IL1RAPL1: variants seen among roughly 807,000 people sequenced by gnomAD.
IL1RAPL1 encodes interleukin-1 receptor accessory protein-like 1.
IL1RAPL1 carries 3 observed loss-of-function variants against 48.4 expected under a neutral mutation model. That is an observed-to-expected ratio of 0.06 (90% CI 0.03 to 0.16). IL1RAPL1 has a LOEUF of 0.16. IL1RAPL1 is among the 10% of genes least tolerant of loss of function. The pLI is 1.00. For synonymous variants in IL1RAPL1, 185 were observed against 187.7 expected (o/e 0.99, Z 0.12); for missense variants, 349 against 530.6 (o/e 0.66, Z 3.36).
At chrX:29,477,226 T>C (rs1032628603) in intron 5 of IL1RAPL1, among the ~76,000 whole-genome samples, 16 of 111,693 alleles carry the variant, frequency 1.4e-4, no homozygotes, top group African/African-American at 5.2e-4. Flanking sequence ...TAAGATGTTC[T>C]GTGAATATTA....
intron 2 of IL1RAPL1, among the ~76,000 whole-genome samples, chrX:28,841,102 A>G (rs1478357609): frequency 3.6e-5 from 4 of 111,124 alleles, no homozygotes; most frequent in Non-Finnish European, 5.7e-5. Context: ...ATATTCTAAT[A>G]TACTAAGCTT....
At chrX:29,728,138 G>A (rs1927825937) in intron 6 of IL1RAPL1, among the ~76,000 whole-genome samples, 2 of 110,691 alleles carry the variant, frequency 1.8e-5, no homozygotes, top group East Asian at 2.9e-4. Flanking sequence ...GGGTTTCACC[G>A]TGTTAACCAG....
chrX:28,949,605 T>G (rs1393645013), intron 2 of IL1RAPL1, among the ~76,000 whole-genome samples: 1 of 111,232 alleles, frequency 9.0e-6, no homozygotes, highest in Non-Finnish European at 1.9e-5. Flanking sequence ...CACCTGTTGT[T>G]TCCTGACTTT....
At chrX:28,917,052 C>T (rs1286863513) in intron 2 of IL1RAPL1, among the ~76,000 whole-genome samples, 6 of 111,125 alleles carry the variant, frequency 5.4e-5, no homozygotes, top group Non-Finnish European at 7.5e-5. Context: ...CTTTTCCTTG[C>T]GTCCTTTCTG....
chrX:28,983,531 C>T lies in IL1RAPL1; in HGVS notation c.82+194106C>T, dbSNP rs187121254. Among the ~76,000 whole-genome samples the T allele has an allele frequency of 7.3e-3, 825 of 112,303 alleles. 7 individuals are homozygous for T. Among genetic ancestry groups the T allele is most frequent in the Non-Finnish European group, 0.013 (670 of 53,209 alleles). ...TGAGCCTAGGAACAATGTACTTCCT[C>T]TTGTCCCAGACATGTTTAGAGCTTT... On this transcript the variant is annotated intron_variant, in intron 2 of 10. Coordinates refer to ENST00000378993, the MANE Select transcript of IL1RAPL1 (RefSeq NM_014271.4).
chrX:28,845,474 G>A (rs1289178463), intron 2 of IL1RAPL1, among the ~76,000 whole-genome samples: 3 of 111,250 alleles, frequency 2.7e-5, no homozygotes, highest in African/African-American at 6.5e-5. Flanking sequence ...AAACTATTCT[G>A]TACCTCTATA....
chrX:29,785,504 C>T (rs1195472914), intron 6 of IL1RAPL1, among the ~76,000 whole-genome samples: 3 of 112,247 alleles, frequency 2.7e-5, no homozygotes, highest in African/African-American at 9.7e-5. Flanking sequence ...GTATGCTTTA[C>T]AGATGCTTTA....
At chrX:29,579,763 A>G (rs1451341091) in intron 5 of IL1RAPL1, among the ~76,000 whole-genome samples, 1 of 111,745 alleles carries the variant, frequency 8.9e-6, no homozygotes, top group Non-Finnish European at 1.9e-5. Flanking sequence ...TATTCAAAGT[A>G]TGAAAACCAA....
At chrX:29,123,687 G>C (rs764412126) in intron 2 of IL1RAPL1, among the ~76,000 whole-genome samples, 4 of 111,166 alleles carry the variant, frequency 3.6e-5, no homozygotes, top group Middle Eastern at 4.2e-3. Flanking sequence ...TAAACCTGAT[G>C]TATTTAAAAA....
chrX:28,767,444 G>A (rs1167502599), intron 1 of IL1RAPL1, among the ~76,000 whole-genome samples: 2 of 110,554 alleles, frequency 1.8e-5, no homozygotes. Flanking sequence ...TACATAAATA[G>A]TTGAATAATT....
intron 6 of IL1RAPL1, among the ~76,000 whole-genome samples, chrX:29,804,021 C>T (rs899073786): frequency 1.8e-5 from 2 of 111,324 alleles, no homozygotes; most frequent in African/African-American, 6.5e-5. Context: ...TTATATAAAT[C>T]TTTCATTTTA....
rs150042278 is a variant in IL1RAPL1 at position 29,280,925 on chromosome X, A to G, written c.83-2013A>G. Among the ~76,000 whole-genome samples, 892 of 112,271 alleles carry G rather than the reference A, an allele frequency of 7.9e-3. 11 individuals are homozygous for G. Among genetic ancestry groups the G allele is most frequent in the African/African-American group, 0.028 (856 of 30,946 alleles). ...AATGTTCCAGGCAGAGGGAAGAGCA[A>G]GTTCAAATGCCTCAGTTTATATTTC... is the stretch of plus-strand genomic sequence containing the variant. On this transcript the variant is annotated intron_variant, in intron 2 of 10. Coordinates refer to ENST00000378993, the MANE Select transcript of IL1RAPL1 (RefSeq NM_014271.4).
chrX:28,598,449 C>T (rs747376152), intron 1 of IL1RAPL1, among the ~76,000 whole-genome samples: 3 of 110,705 alleles, frequency 2.7e-5, no homozygotes, highest in South Asian at 3.8e-4. Context: ...AATAGCCAAA[C>T]GTTGAAGACA....
At chrX:29,678,444 T>C (rs1601775077) in intron 6 of IL1RAPL1, among the ~76,000 whole-genome samples, 1 of 89,051 alleles carries the variant, frequency 1.1e-5, no homozygotes, top group East Asian at 4.2e-4. Flanking sequence ...AAGCTCCGCC[T>C]CCCGGGTTCA....
intron 6 of IL1RAPL1, among the ~76,000 whole-genome samples, chrX:29,853,146 C>CA (rs1174994761): frequency 9.7e-6 from 1 of 102,869 alleles, no homozygotes; most frequent in Admixed American, 1.1e-4. Context: ...TTGAAGACTG[C>CA]AAGGAGTACA....
chrX:29,172,196 G>A (rs1391085231), intron 2 of IL1RAPL1, among the ~76,000 whole-genome samples: 1 of 111,935 alleles, frequency 8.9e-6, no homozygotes, highest in Non-Finnish European at 1.9e-5. Flanking sequence ...TACTCTATAG[G>A]TATAGCTAAA....
chrX:29,073,115 T>C (rs1304939719), intron 2 of IL1RAPL1, among the ~76,000 whole-genome samples: 4 of 112,192 alleles, frequency 3.6e-5, no homozygotes, highest in Non-Finnish European at 7.5e-5. Context: ...AGTGGAGATA[T>C]GTATCTCCCT....
At chrX:29,847,609 G>A (rs1931274829) in intron 6 of IL1RAPL1, among the ~76,000 whole-genome samples, 1 of 111,963 alleles carries the variant, frequency 8.9e-6, no homozygotes, top group Non-Finnish European at 1.9e-5. Context: ...GGCATAGATA[G>A]ACTACATACA....
At chrX:29,934,646 T>A (rs1933000717) in intron 8 of IL1RAPL1, among the ~76,000 whole-genome samples, 1 of 111,586 alleles carries the variant, frequency 9.0e-6, no homozygotes, top group African/African-American at 3.3e-5. Flanking sequence ...ATTTACCTTA[T>A]CTCTCTTCCT....
Sources: gnomAD v4.1 joint callset for allele counts (sites outside exome capture counted in the v4.1 genomes callset) on GRCh38, gnomAD v4.1.1 for gene constraint, MANE v1.5 for transcripts, NCBI Gene and HGNC (gene_info 2026-07-23, HGNC 2026-07-21) for gene names.